The following MAGI2 variants were observed in gnomAD, a reference collection of about 807,000 sequenced individuals.
MAGI2 encodes membrane-associated guanylate kinase, WW and PDZ domain-containing protein 2.
Under a neutral mutation model 133.3 loss-of-function variants are expected in MAGI2, and 35 were observed. That is an observed-to-expected ratio of 0.26 (90% CI 0.20 to 0.35). The LOEUF (loss-of-function observed/expected upper bound fraction) is 0.35, where lower values mean the gene tolerates loss of function less well. Ranked by LOEUF, MAGI2 falls within the 10% of genes least tolerant of loss-of-function variation. The probability of loss-of-function intolerance (pLI) is 1.00; values close to 1 mark genes in which losing one functional copy is unlikely to be tolerated. For synonymous variants in MAGI2, 729 were observed against 710.6 expected, an observed-to-expected ratio of 1.03 and a Z score of -0.41; for missense variants, 1,636 against 1,863.4, an observed-to-expected ratio of 0.88 and a Z score of 2.25.
At chr7:79,067,939 A>G (rs563555021) in intron 1 of MAGI2, among the ~76,000 whole-genome samples, 23 of 152,246 alleles carry the variant, frequency 1.5e-4, no homozygotes, top group African/African-American at 5.1e-4. Context: ...CCAGGCTTGC[A>G]TCCTAGGGAT....
intron 1 of MAGI2, among the ~76,000 whole-genome samples, chr7:79,251,368 A>C (rs1239759686): frequency 6.6e-6 from 1 of 152,154 alleles, no homozygotes; most frequent in African/African-American, 2.4e-5. Context: ...AGAATATATA[A>C]GGAGTTCAAA....
chr7:78,531,779 T>C (rs1372147569), intron 3 of MAGI2, among the ~76,000 whole-genome samples: 6 of 152,156 alleles, frequency 3.9e-5, no homozygotes, highest in South Asian at 2.1e-4. Context: ...GTGCTTTCAA[T>C]TGTGATATTA....
intron 1 of MAGI2, among the ~76,000 whole-genome samples, chr7:79,451,084 A>T (rs1232965997): frequency 6.6e-6 from 1 of 152,116 alleles, no homozygotes; most frequent in African/African-American, 2.4e-5. Context: ...ATACACAATA[A>T]TCTTCCTTTA....
chr7:78,781,382 A>G (rs1379736512), intron 2 of MAGI2, among the ~76,000 whole-genome samples: 1 of 68,122 alleles, frequency 1.5e-5, no homozygotes, highest in Non-Finnish European at 3.2e-5. Context: ...CCGTCTCACA[A>G]AAAAAAAAAA....
intron 1 of MAGI2, among the ~76,000 whole-genome samples, chr7:79,140,093 T>C (rs1434951997): frequency 2.0e-5 from 3 of 152,180 alleles, no homozygotes; most frequent in African/African-American, 7.2e-5. Flanking sequence ...TTCGAGACCA[T>C]TAAGATTTTG....
chr7:79,340,341 G>C (rs1021215329), intron 1 of MAGI2, among the ~76,000 whole-genome samples: 8 of 151,896 alleles, frequency 5.3e-5, no homozygotes, highest in African/African-American at 1.9e-4. Context: ...TGTGATTTTA[G>C]TTTGTTTTGT....
chr7:78,232,074 C>CA (rs1402254616), intron 10 of MAGI2, among the ~76,000 whole-genome samples: 1 of 151,610 alleles, frequency 6.6e-6, no homozygotes, highest in Non-Finnish European at 1.5e-5. Flanking sequence ...ACCACACAGG[C>CA]AAAAAAGCAA....
intron 1 of MAGI2, among the ~76,000 whole-genome samples, chr7:79,179,954 G>A (rs1227996184): frequency 3.3e-5 from 5 of 151,930 alleles, no homozygotes; most frequent in Non-Finnish European, 7.4e-5. Context: ...CTTCTGCACA[G>A]CAAAAAGAAA....
chr7:78,922,233 G>A (rs1267476364), intron 2 of MAGI2, among the ~76,000 whole-genome samples: 2 of 148,048 alleles, frequency 1.4e-5, no homozygotes, highest in Non-Finnish European at 3.0e-5. Context: ...GGGTACATGT[G>A]CACAATGTGC....
At chr7:79,020,018 C>T (rs181926402) in intron 1 of MAGI2, among the ~76,000 whole-genome samples, 4 of 152,238 alleles carry the variant, frequency 2.6e-5, no homozygotes, top group Admixed American at 1.3e-4. Flanking sequence ...TAAAGATGTG[C>T]GAAAGTTTGT....
chr7:79,322,391 T>C (rs1839252532), intron 1 of MAGI2, among the ~76,000 whole-genome samples: 1 of 152,080 alleles, frequency 6.6e-6, no homozygotes, highest in African/African-American at 2.4e-5. Flanking sequence ...GTAGCAGAAG[T>C]TAGGAGTCCA....
Position 78,657,481 on chromosome 7 carries a change from G to T in MAGI2, c.419-30242C>A, listed in dbSNP as rs566008898. ...GCACATCCAAAAAATGAAATATTTA[G>T]TGCTAAAAAGAAATGAGCTGTCTGA... On this transcript the variant is annotated intron_variant, in intron 2 of 21. Coordinates refer to ENST00000354212, the MANE Select transcript of MAGI2 (RefSeq NM_012301.4). 3.9e-5 allele frequency among the ~76,000 whole-genome samples: 6 copies of T among 152,268 alleles called. No homozygotes were observed. In the South Asian group the frequency reaches 1.0e-3, roughly 26 times the overall value.
intron 21 of MAGI2, among the ~76,000 whole-genome samples, chr7:78,076,223 G>A (rs990612857): frequency 1.3e-5 from 2 of 152,046 alleles, no homozygotes; most frequent in Admixed American, 6.6e-5. Flanking sequence ...TTGGAAGGCT[G>A]AGATGGGCGG....
intron 2 of MAGI2, among the ~76,000 whole-genome samples, chr7:78,821,844 T>G (rs1376618822): frequency 2.6e-5 from 4 of 151,982 alleles, no homozygotes; most frequent in Non-Finnish European, 5.9e-5. Context: ...CTGACAATGA[T>G]AGATTTGGGT....
intron 1 of MAGI2, among the ~76,000 whole-genome samples, chr7:79,185,875 A>T (rs1231278969): frequency 6.6e-6 from 1 of 151,712 alleles, no homozygotes; most frequent in Non-Finnish European, 1.5e-5. Context: ...AACTAAAATG[A>T]TCAGGCCTAA....
At chr7:78,663,866 T>C (rs1233575948) in intron 2 of MAGI2, among the ~76,000 whole-genome samples, 1 of 152,226 alleles carries the variant, frequency 6.6e-6, no homozygotes, top group African/African-American at 2.4e-5. Flanking sequence ...CTTTTACTGA[T>C]TATTACACTA....
intron 3 of MAGI2, among the ~76,000 whole-genome samples, chr7:78,623,519 A>T (rs567387028): frequency 5.9e-5 from 9 of 152,200 alleles, no homozygotes; most frequent in African/African-American, 2.2e-4. Flanking sequence ...GTTTTCAATA[A>T]ATCTCTACTA....
At chr7:78,205,603 A>C (rs574474340) in intron 10 of MAGI2, among the ~76,000 whole-genome samples, 39 of 152,320 alleles carry the variant, frequency 2.6e-4, no homozygotes, top group Admixed American at 1.8e-3. Context: ...AAATTATTTG[A>C]TACTTCTGGA....
chr7:79,423,617 C>T (rs558169837), intron 1 of MAGI2, among the ~76,000 whole-genome samples: 28 of 151,948 alleles, frequency 1.8e-4, no homozygotes, highest in Middle Eastern at 3.4e-3. Flanking sequence ...GATTTAGATA[C>T]GAAGTATATG....
Sources: allele counts gnomAD v4.1 joint callset (sites outside exome capture counted in the v4.1 genomes callset), GRCh38; gene constraint gnomAD v4.1.1; transcripts MANE v1.5; gene names NCBI Gene and HGNC (gene_info 2026-07-23, HGNC 2026-07-21).